Variants in PRKCA observed in about 807,000 individuals in gnomAD.
The protein encoded by PRKCA is protein kinase C alpha, also known as protein kinase C alpha type.
In PRKCA, 27 loss-of-function variants were observed where a neutral mutation model predicts 87.0. The observed-to-expected ratio is 0.31, with a 90% CI of 0.23 to 0.43. The LOEUF (loss-of-function observed/expected upper bound fraction) is 0.43, where lower values mean the gene tolerates loss of function less well. Among genes scored for constraint, PRKCA ranks in the 20% least tolerant of loss-of-function variants. The pLI, the probability that PRKCA is intolerant of heterozygous loss-of-function variation, is 1.00. For synonymous variants in PRKCA, 329 were observed against 311.1 expected (o/e 1.06, Z -0.61); for missense variants, 518 against 852.3 (o/e 0.61, Z 4.88).
At chr17:66,788,155 A>C (rs1975445432) in intron 15 of PRKCA, among the ~76,000 whole-genome samples, 1 of 152,192 alleles carries the variant, frequency 6.6e-6, no homozygotes, top group South Asian at 2.1e-4. Context: ...AGTAAGATGG[A>C]GTACAATATA....
chr17:66,745,105 G>T (rs1255601643), intron 13 of PRKCA, among the ~76,000 whole-genome samples: 2 of 152,164 alleles, frequency 1.3e-5, no homozygotes, highest in Non-Finnish European at 2.9e-5. Flanking sequence ...AGATTCACAG[G>T]TTCCAGGGAT....
At chr17:66,552,434 G>A (rs955299920) in intron 3 of PRKCA, among the ~76,000 whole-genome samples, 2 of 152,204 alleles carry the variant, frequency 1.3e-5, no homozygotes, top group Non-Finnish European at 2.9e-5. Flanking sequence ...GTGATTGAGG[G>A]TTTCTCCCGG....
chr17:66,637,512 A>G (rs1242382534), intron 3 of PRKCA, among the ~76,000 whole-genome samples: 3 of 152,338 alleles, frequency 2.0e-5, no homozygotes, highest in Middle Eastern at 3.4e-3. Context: ...GTCTAAGGCC[A>G]TACTTCAGAC....
intron 2 of PRKCA, among the ~76,000 whole-genome samples, chr17:66,401,801 T>C (rs915757831): frequency 1.3e-5 from 2 of 152,206 alleles, no homozygotes; most frequent in African/African-American, 4.8e-5. Context: ...TTCCGTGATC[T>C]GAAATTAGGA....
intron 3 of PRKCA, among the ~76,000 whole-genome samples, chr17:66,543,087 A>G (rs1287802536): frequency 6.6e-6 from 1 of 152,230 alleles, no homozygotes; most frequent in African/African-American, 2.4e-5. Flanking sequence ...GTTTATAGTC[A>G]GTATAATGTT....
At chr17:66,464,574 G>A (rs1040420908) in intron 2 of PRKCA, among the ~76,000 whole-genome samples, 1 of 152,146 alleles carries the variant, frequency 6.6e-6, no homozygotes, top group African/African-American at 2.4e-5. Flanking sequence ...TCTAATAGGT[G>A]TGTAGTGGTA....
intron 14 of PRKCA, among the ~76,000 whole-genome samples, chr17:66,778,817 C>T (rs143227875): frequency 0.012 from 1,850 of 150,656 alleles, 20 homozygotes; most frequent in Middle Eastern, 0.024. Context: ...TGCACTCCAG[C>T]CTGGGTGAGA....
chr17:66,776,401 C>G (rs1975050685), intron 14 of PRKCA, among the ~76,000 whole-genome samples: 1 of 152,150 alleles, frequency 6.6e-6, no homozygotes, highest in Non-Finnish European at 1.5e-5. Flanking sequence ...CCCTCCGCCT[C>G]CCAGGTTCAA....
rs367807025 is a variant in PRKCA, at chr17:66,446,349, A to G, written c.206-49852A>G. Among the ~76,000 whole-genome samples, 3 of 152,246 alleles carry G rather than the reference A, an allele frequency of 2.0e-5. No individual in the cohort carries two copies. The East Asian group carries it at 5.8e-4, about 29-fold the overall frequency. On this transcript the variant is annotated intron_variant, in intron 2 of 16. Transcript: ENST00000413366. Reference sequence around the variant, plus strand: ...TTGGTGTGGCCAGCCTGGTTGTGGGACATGGGCCTTAAGGTGCAGCACCCC... The same window carrying G: ...TTGGTGTGGCCAGCCTGGTTGTGGGGCATGGGCCTTAAGGTGCAGCACCCC...
intron 2 of PRKCA, among the ~76,000 whole-genome samples, chr17:66,314,863 A>C (rs534909382): frequency 1.0e-4 from 12 of 114,928 alleles, no homozygotes; most frequent in Non-Finnish European, 1.6e-4. Context: ...CTCTCTCTCT[A>C]GATATATATA....
intron 3 of PRKCA, among the ~76,000 whole-genome samples, chr17:66,609,601 T>C (rs1391239982): frequency 3.3e-5 from 5 of 152,096 alleles, no homozygotes; most frequent in Admixed American, 2.6e-4. Flanking sequence ...CTGGCCAGTT[T>C]TCTTAAAAAT....
At chr17:66,714,003 G>C (rs537403643) in intron 8 of PRKCA, among the ~76,000 whole-genome samples, 24 of 152,226 alleles carry the variant, frequency 1.6e-4, no homozygotes, top group South Asian at 8.3e-4. Context: ...ACAGCCTGTA[G>C]ATACCCTTAG....
At chr17:66,408,966 C>G (rs561500737) in intron 2 of PRKCA, among the ~76,000 whole-genome samples, 1 of 135,348 alleles carries the variant, frequency 7.4e-6, no homozygotes, top group East Asian at 2.3e-4. Flanking sequence ...GCAGGAGAAT[C>G]GCTTGAACCC....
rs1164928522 is a variant in PRKCA at position 66,518,431 on chromosome 17, GA to G, written c.288+22154del. On this transcript the variant is annotated intron_variant, in intron 3 of 16. Coordinates refer to ENST00000413366, the MANE Select transcript of PRKCA (RefSeq NM_002737.3). Reference sequence around the variant, plus strand: ...TATTCTCTGTCTTAACTTTTTTCAGGAAAAAATATGATTTTTTGGAGTTGCT... The same window carrying G: ...TATTCTCTGTCTTAACTTTTTTCAGGAAAAATATGATTTTTTGGAGTTGCT... Among the ~76,000 whole-genome samples, 4 of 152,118 alleles carry G rather than the reference GA, an allele frequency of 2.6e-5. 1 individual carries two copies. Among genetic ancestry groups the G allele is most frequent in the East Asian group, 3.8e-4 (2 of 5,200 alleles).
intron 13 of PRKCA, among the ~76,000 whole-genome samples, chr17:66,764,137 T>C (rs1171950739): frequency 6.6e-6 from 1 of 152,242 alleles, no homozygotes; most frequent in Non-Finnish European, 1.5e-5. Context: ...TCTCTGTACC[T>C]TATTTCCTCA....
chr17:66,376,697 G>A lies in PRKCA; in HGVS notation c.205+70570G>A, dbSNP rs556282974. 2.0e-4 allele frequency among the ~76,000 whole-genome samples: 31 copies of A among 152,248 alleles called. No individual in the cohort carries two copies. In the East Asian group the frequency reaches 5.6e-3, roughly 28 times the overall value. ...GCTCTCATCCCCTGGCCCGAGGGTT[G>A]GAGCACTAGACTTCATGTACCAGTT... On this transcript the variant is annotated intron_variant, in intron 2 of 16. Transcript: ENST00000413366.
At chr17:66,798,386 G>GTGGTGGTGGTGA (rs1975721726) in intron 16 of PRKCA, among the ~76,000 whole-genome samples, 1 of 102,832 alleles carries the variant, frequency 9.7e-6, no homozygotes, top group Non-Finnish European at 1.9e-5. Context: ...GGCGGTGGTG[G>GTGGTGGTGGTGA]TGGTGGTGGT....
intron 13 of PRKCA, among the ~76,000 whole-genome samples, chr17:66,766,721 T>C (rs1473319500): frequency 6.6e-6 from 1 of 151,520 alleles, no homozygotes; most frequent in Non-Finnish European, 1.5e-5. Context: ...GGCAGAAGAA[T>C]TGCTTGAACC....
intron 2 of PRKCA, among the ~76,000 whole-genome samples, chr17:66,346,096 CTT>C (rs1166100613): frequency 1.2e-4 from 16 of 133,260 alleles, no homozygotes; most frequent in Admixed American, 2.3e-4. Context: ...TCTTTTTTTG[CTT>C]TTTTTTTTTT....
Sources: gnomAD v4.1 joint callset for allele counts (sites outside exome capture counted in the v4.1 genomes callset) on GRCh38, gnomAD v4.1.1 for gene constraint, MANE v1.5 for transcripts, NCBI Gene and HGNC (gene_info 2026-07-23, HGNC 2026-07-21) for gene names.